Variants in DENND1B observed in about 807,000 individuals in gnomAD.
DENND1B encodes DENN domain containing 1B, also known as DENN domain-containing protein 1B.
DENND1B carries 59 observed loss-of-function variants against 90.1 expected under a neutral mutation model. The observed-to-expected ratio is 0.65, with a 90% CI of 0.53 to 0.81. DENND1B has a LOEUF of 0.81. Ranked by LOEUF, DENND1B falls within the 40% of genes least tolerant of loss-of-function variation. The pLI is 0.00. For synonymous variants in DENND1B, 337 were observed against 324.6 expected (o/e 1.04, Z -0.41); for missense variants, 862 against 912.6 (o/e 0.94, Z 0.71).
intron 3 of DENND1B, among the ~76,000 whole-genome samples, chr1:197,698,160 T>A (rs1025564746): frequency 1.2e-4 from 18 of 152,196 alleles, no homozygotes; most frequent in African/African-American, 4.3e-4. Context: ...ATTGACCACA[T>A]AATTGGAAGT....
At chr1:197,673,575 G>A (rs538453109) in intron 4 of DENND1B, among the ~76,000 whole-genome samples, 8 of 152,016 alleles carry the variant, frequency 5.3e-5, no homozygotes, top group Non-Finnish European at 1.0e-4. Context: ...TCAACTCTAT[G>A]CAATTTCATC....
intron 13 of DENND1B, among the ~76,000 whole-genome samples, chr1:197,605,080 A>G (rs1368148873): frequency 6.6e-6 from 1 of 150,740 alleles, no homozygotes; most frequent in Non-Finnish European, 1.5e-5. Flanking sequence ...AATTTCAAGC[A>G]TATATTTAGT....
At chr1:197,762,757 G>A (rs930072573) in intron 2 of DENND1B, among the ~76,000 whole-genome samples, 2 of 151,696 alleles carry the variant, frequency 1.3e-5, no homozygotes, top group African/African-American at 2.4e-5. Context: ...CTGTGTATCC[G>A]AGCATTTAAA....
chr1:197,603,021 C>T lies in DENND1B; in HGVS notation c.921+4052G>A, dbSNP rs768272723. Among the ~76,000 whole-genome samples, 89 of 151,220 alleles carry T rather than the reference C, an allele frequency of 5.9e-4. 1 individual carries two copies. The highest frequency in any genetic ancestry group is 4.0e-4 in the Admixed American group (6 of 15,140). ...CATCATTATAATAAGGTCTTTTCAA[C>T]GTTTTAGTAATTAAATATGCTTCAT... On this transcript the variant is annotated intron_variant, in intron 13 of 22. Transcript: ENST00000620048.
intron 14 of DENND1B, among the ~76,000 whole-genome samples, chr1:197,589,616 G>GCCAA (rs1211128304): frequency 1.3e-5 from 2 of 152,112 alleles, no homozygotes; most frequent in Non-Finnish European, 2.9e-5. Context: ...AATTATGGAT[G>GCCAA]CCAACCCTGT....
At chr1:197,591,807 CAT>C (rs1442214346) in intron 14 of DENND1B, among the ~76,000 whole-genome samples, 1 of 151,948 alleles carries the variant, frequency 6.6e-6, no homozygotes, top group African/African-American at 2.4e-5. Flanking sequence ...GTTCAGGAAA[CAT>C]ATCTTAAGAA....
At chr1:197,679,875 C>T (rs1039868790) in intron 3 of DENND1B, among the ~76,000 whole-genome samples, 3 of 143,804 alleles carry the variant, frequency 2.1e-5, no homozygotes, top group African/African-American at 7.8e-5. Context: ...CCCAGCCAGG[C>T]ATGGTGGCTC....
At chr1:197,717,969 G>C (rs975176950) in intron 2 of DENND1B, among the ~76,000 whole-genome samples, 1 of 151,970 alleles carries the variant, frequency 6.6e-6, no homozygotes, top group Non-Finnish European at 1.5e-5. Context: ...TTTTGGAAAA[G>C]TATAATATAC....
intron 13 of DENND1B, among the ~76,000 whole-genome samples, chr1:197,595,850 G>C (rs778265999): frequency 1.3e-5 from 2 of 152,066 alleles, no homozygotes; most frequent in Non-Finnish European, 2.9e-5. Flanking sequence ...AAGAGATAAA[G>C]TTATTGAAAT....
Position 197,775,200 on chromosome 1 carries a change from G to T in DENND1B, c.-45C>A. On this transcript the variant is annotated 5_prime_UTR_variant, in exon 1 of 23. Coordinates refer to ENST00000620048, the MANE Select transcript of DENND1B (RefSeq NM_001195215.2). Reference sequence around the variant, plus strand: ...GCTGTCCGTCCGGCCCCCGCGCGCTGGCCTGGAAGCCCGCAGCCCGGCCGC... The same window carrying T: ...GCTGTCCGTCCGGCCCCCGCGCGCTTGCCTGGAAGCCCGCAGCCCGGCCGC... 4.0e-6 allele frequency: 5 copies of T among 1,251,928 alleles called. No individual in the cohort carries two copies. Among genetic ancestry groups the T allele is most frequent in the Non-Finnish European group, 5.0e-6 (5 of 993,862 alleles). 77.6% of individuals were successfully genotyped at this position (1,251,928 alleles called of 1,614,324 possible).
chr1:197,679,456 T>A (rs1448060455), intron 3 of DENND1B, among the ~76,000 whole-genome samples: 1 of 151,712 alleles, frequency 6.6e-6, no homozygotes, highest in East Asian at 1.9e-4. Flanking sequence ...CTAGAGATGA[T>A]CTAAAATATA....
intron 20 of DENND1B, among the ~76,000 whole-genome samples, chr1:197,522,613 C>T (rs4915548): frequency 0.95 from 145,086 of 152,196 alleles, 69,524 homozygotes; most frequent in South Asian, 1. Context: ...ATTTGTTTTG[C>T]TTCTAATATC....
chr1:197,687,144 T>C (rs549441236), intron 3 of DENND1B, among the ~76,000 whole-genome samples: 2 of 152,330 alleles, frequency 1.3e-5, no homozygotes, highest in Non-Finnish European at 2.9e-5. Context: ...GAGTTCAGAA[T>C]GCATTGACTC....
At position 197,546,715 on chromosome 1, in the gene DENND1B, T is replaced by C. The variant is rs1670840718; in HGVS notation, c.1281+18A>G. 2.6e-6 allele frequency: 4 copies of C among 1,540,574 alleles called. No individual in the cohort carries two copies. The highest frequency in any genetic ancestry group is 2.5e-5 in the South Asian group (2 of 81,250). On this transcript the variant is annotated intron_variant, in intron 17 of 22. Coordinates refer to ENST00000620048, the MANE Select transcript of DENND1B (RefSeq NM_001195215.2). ...TTATATTAGAGTGAAAGAATAACAT[T>C]TGAAAGCTTATGATTACCTTGACTG...
At chr1:197,580,851 G>A (rs78341582) in intron 15 of DENND1B, among the ~76,000 whole-genome samples, 2,641 of 152,138 alleles carry the variant, frequency 0.017, 81 homozygotes, top group African/African-American at 0.061. Context: ...TGAGCACTAG[G>A]CTTTGTCTCC....
At chr1:197,581,266 T>C (rs935408212) in intron 15 of DENND1B, among the ~76,000 whole-genome samples, 3 of 152,218 alleles carry the variant, frequency 2.0e-5, no homozygotes, top group Non-Finnish European at 2.9e-5. Flanking sequence ...CACGTATCAC[T>C]TTTTTAAGAA....
intron 10 of DENND1B, among the ~76,000 whole-genome samples, chr1:197,622,948 C>A (rs996413107): frequency 6.6e-6 from 1 of 151,332 alleles, no homozygotes; most frequent in Non-Finnish European, 1.5e-5. Context: ...AGCAGAAAGA[C>A]AATCCATCTA....
At chr1:197,697,289 T>C (rs918324984) in intron 3 of DENND1B, among the ~76,000 whole-genome samples, 2 of 151,446 alleles carry the variant, frequency 1.3e-5, no homozygotes, top group African/African-American at 2.4e-5. Context: ...ACTGACAGGG[T>C]TAGGATTCAA....
intron 2 of DENND1B, among the ~76,000 whole-genome samples, chr1:197,716,824 C>T (rs1660689181): frequency 6.6e-6 from 1 of 151,922 alleles, no homozygotes; most frequent in Non-Finnish European, 1.5e-5. Flanking sequence ...TTTGTGACAA[C>T]TTTCTTACAA....
Sources: allele counts gnomAD v4.1 joint callset (sites outside exome capture counted in the v4.1 genomes callset), GRCh38; gene constraint gnomAD v4.1.1; transcripts MANE v1.5; gene names NCBI Gene and HGNC (gene_info 2026-07-23, HGNC 2026-07-21).